Variants in DSCAML1 observed in about 807,000 individuals in gnomAD.
DSCAML1 encodes DS cell adhesion molecule like 1.
A neutral mutation model predicts 200.5 loss-of-function variants in DSCAML1; 38 were observed. The observed-to-expected ratio is 0.19, with a 90% CI of 0.15 to 0.25. The LOEUF (loss-of-function observed/expected upper bound fraction) is 0.25, where lower values mean the gene tolerates loss of function less well. Ranked by LOEUF, DSCAML1 falls within the 10% of genes least tolerant of loss-of-function variation. The pLI, the probability that DSCAML1 is intolerant of heterozygous loss-of-function variation, is 1.00. For missense variants in DSCAML1, 2,223 were observed against 2,858.8 expected (o/e 0.78, Z 5.07); for synonymous variants, 1,215 against 1,165.0 (o/e 1.04, Z -0.87).
intron 5 of DSCAML1, among the ~76,000 whole-genome samples, chr11:117,523,879 A>T (rs1385002572): frequency 6.6e-6 from 1 of 152,206 alleles, no homozygotes; most frequent in Non-Finnish European, 1.5e-5. Context: ...TTCCTGTCTC[A>T]TGAGGCATGG....
intron 19 of DSCAML1, among the ~76,000 whole-genome samples, chr11:117,458,048 G>T (rs1368096003): frequency 1.3e-5 from 2 of 151,494 alleles, no homozygotes; most frequent in African/African-American, 2.4e-5. Flanking sequence ...GCCCAGAGCT[G>T]TGTGCTGTTC....
At chr11:117,724,354 G>C (rs2054088250) in intron 3 of DSCAML1, among the ~76,000 whole-genome samples, 1 of 152,152 alleles carries the variant, frequency 6.6e-6, no homozygotes, top group Non-Finnish European at 1.5e-5. Context: ...TTATGGACTG[G>C]AGCGGGAAAG....
At chr11:117,476,933 A>G (rs2048805631) in intron 14 of DSCAML1, among the ~76,000 whole-genome samples, 1 of 152,164 alleles carries the variant, frequency 6.6e-6, no homozygotes, top group African/African-American at 2.4e-5. Context: ...GAAGGGAAGC[A>G]GAGACACAGG....
intron 3 of DSCAML1, among the ~76,000 whole-genome samples, chr11:117,726,451 T>C (rs1423277464): frequency 2.0e-5 from 3 of 152,136 alleles, no homozygotes; most frequent in Non-Finnish European, 4.4e-5. Context: ...TAGTATACTT[T>C]AATGTTTATA....
chr11:117,647,966 TA>T (rs2137611010), intron 3 of DSCAML1, among the ~76,000 whole-genome samples: 1 of 152,202 alleles, frequency 6.6e-6, no homozygotes, highest in South Asian at 2.1e-4. Context: ...GGTCCATCAG[TA>T]AAGAAGCAAA....
At chr11:117,694,649 G>T (rs532265207) in intron 3 of DSCAML1, among the ~76,000 whole-genome samples, 49 of 152,266 alleles carry the variant, frequency 3.2e-4, no homozygotes, top group African/African-American at 1.0e-3. Context: ...CCAAGGAGGT[G>T]TACACTTAAA....
At chr11:117,459,451 A>G (rs1272651267) in intron 18 of DSCAML1, among the ~76,000 whole-genome samples, 1 of 151,798 alleles carries the variant, frequency 6.6e-6, no homozygotes, top group African/African-American at 2.4e-5. Context: ...AGTGCCCTGG[A>G]CTCCCAGTTG....
chr11:117,639,430 A>G lies in DSCAML1; in HGVS notation c.512-106908T>C, dbSNP rs181876619. On this transcript the variant is annotated intron_variant, in intron 3 of 32. Transcript: ENST00000651296. ...TGGGTAGGAGGCTGAATGGATGGGA[A>G]GCTGGATGGGTGGGAGGCTGGATGG... 3.9e-3 allele frequency among the ~76,000 whole-genome samples: 338 copies of G among 86,898 alleles called. 1 individual carries two copies. Among genetic ancestry groups the G allele is most frequent in the African/African-American group, 0.014 (310 of 22,028 alleles). The allele number at this position is 86,898 out of a possible 152,430, so 57.0% of individuals were successfully genotyped here.
chr11:117,491,101 G>A (rs1177536519), intron 11 of DSCAML1, among the ~76,000 whole-genome samples: 1 of 152,214 alleles, frequency 6.6e-6, no homozygotes, highest in Non-Finnish European at 1.5e-5. Context: ...AGTGTGTGTG[G>A]GAAGGAGGAT....
chr11:117,561,268 A>G (rs2050657371), intron 3 of DSCAML1, among the ~76,000 whole-genome samples: 1 of 152,220 alleles, frequency 6.6e-6, no homozygotes, highest in South Asian at 2.1e-4. Context: ...GGCAGTGAGC[A>G]CTGGACAATG....
chr11:117,546,429 A>C (rs1036980064), intron 3 of DSCAML1, among the ~76,000 whole-genome samples: 1 of 152,178 alleles, frequency 6.6e-6, no homozygotes, highest in African/African-American at 2.4e-5. Context: ...TGAATGAATA[A>C]ATGAATGCAT....
chr11:117,431,110 G>GT, intron 31 of DSCAML1, 77 bp from the exon 32 acceptor site: 1 of 1,402,720 alleles, frequency 7.1e-7, no homozygotes, highest in Middle Eastern at 2.1e-4. Flanking sequence ...TCCCCTGCCC[G>GT]TAACCCCAGC....
At chr11:117,813,455 C>G (rs887727183) in intron 1 of DSCAML1, among the ~76,000 whole-genome samples, 1 of 152,216 alleles carries the variant, frequency 6.6e-6, no homozygotes, top group Non-Finnish European at 1.5e-5. Flanking sequence ...GATATCTCCT[C>G]GTGCTATCTC....
At chr11:117,786,279 C>A (rs1286689470) in intron 1 of DSCAML1, among the ~76,000 whole-genome samples, 3 of 152,168 alleles carry the variant, frequency 2.0e-5, no homozygotes, top group African/African-American at 7.2e-5. Context: ...GTGACAGACG[C>A]CCAGACTTAA....
At chr11:117,757,900 G>T (rs2137884213) in intron 3 of DSCAML1, among the ~76,000 whole-genome samples, 1 of 152,288 alleles carries the variant, frequency 6.6e-6, no homozygotes, top group Non-Finnish European at 1.5e-5. Context: ...TGAGTCAGGA[G>T]AATCGCTTGA....
At chr11:117,657,310 C>G (rs1261404913) in intron 3 of DSCAML1, among the ~76,000 whole-genome samples, 1 of 152,154 alleles carries the variant, frequency 6.6e-6, no homozygotes, top group African/African-American at 2.4e-5. Context: ...CCAGAGAGAG[C>G]CTTGAGTCCA....
At chr11:117,438,164 G>T (rs1309310777) in intron 24 of DSCAML1, 81 bp from the exon 25 acceptor site, 1 of 1,403,124 alleles carries the variant, frequency 7.1e-7, no homozygotes, top group Non-Finnish European at 9.7e-7. Flanking sequence ...CCCAACAGGG[G>T]GCTGGGCTCC....
At position 117,505,170 on chromosome 11, in the gene DSCAML1, C is replaced by T. The variant is rs2049469191; in HGVS notation, c.2063-127G>A. 1 of 1,401,322 alleles carries T rather than the reference C, an allele frequency of 7.1e-7. No individual in the cohort carries two copies. The highest frequency in any genetic ancestry group is 9.6e-7 in the Non-Finnish European group (1 of 1,038,332). 86.8% of individuals were successfully genotyped at this position (1,401,322 alleles called of 1,614,324 possible). Reference sequence around the variant, plus strand: ...TTATAAAGTTGGAAGCGGGCAGTTTCTGAAACCCAAGATGCTGAGAACTTT... The same window carrying T: ...TTATAAAGTTGGAAGCGGGCAGTTTTTGAAACCCAAGATGCTGAGAACTTT... On this transcript the variant is annotated intron_variant, in intron 9 of 32. Coordinates refer to ENST00000651296, the MANE Select transcript of DSCAML1 (RefSeq NM_020693.4). This position sits in a 1 kb window ranked among gnomAD's most constrained non-coding sequence, Gnocchi z 6.7.
chr11:117,599,552 T>G (rs2051426292), intron 3 of DSCAML1, among the ~76,000 whole-genome samples: 1 of 152,196 alleles, frequency 6.6e-6, no homozygotes, highest in Admixed American at 6.5e-5. Context: ...TTCTGAGCCC[T>G]CTCTGCTCAG....
Sources: allele counts gnomAD v4.1 joint callset (sites outside exome capture counted in the v4.1 genomes callset), GRCh38; gene constraint gnomAD v4.1.1; non-coding constraint Gnocchi (gnomAD v3.1); transcripts MANE v1.5; gene names NCBI Gene and HGNC (gene_info 2026-07-23, HGNC 2026-07-21).